The following NRG3 variants were observed in gnomAD, a reference collection of about 807,000 sequenced individuals.
NRG3 encodes the protein pro-neuregulin-3, membrane-bound isoform.
In NRG3, 31 loss-of-function variants were observed where a neutral mutation model predicts 66.9. That is an observed-to-expected ratio of 0.46 (90% CI 0.35 to 0.63). The LOEUF (loss-of-function observed/expected upper bound fraction) is 0.63. Among genes scored for constraint, NRG3 ranks in the 20% least tolerant of loss-of-function variants. The probability of loss-of-function intolerance (pLI) is 0.00; values close to 1 mark genes in which losing one functional copy is unlikely to be tolerated. For missense variants in NRG3, 910 were observed against 878.9 expected (o/e 1.04, Z -0.45); for synonymous variants, 393 against 359.4 (o/e 1.09, Z -1.06).
At chr10:82,207,408 AC>A (rs1175370002) in intron 1 of NRG3, among the ~76,000 whole-genome samples, 1 of 152,034 alleles carries the variant, frequency 6.6e-6, no homozygotes, top group Non-Finnish European at 1.5e-5. Flanking sequence ...CCATGATATA[AC>A]TCCTTATGCA....
At chr10:82,861,642 G>A (rs892952223) in intron 3 of NRG3, among the ~76,000 whole-genome samples, 1 of 152,188 alleles carries the variant, frequency 6.6e-6, no homozygotes, top group Non-Finnish European at 1.5e-5. Context: ...CATGGAAGAA[G>A]GAAGAAAGCC....
chr10:82,695,458 C>T (rs747386442), intron 2 of NRG3, among the ~76,000 whole-genome samples: 3 of 151,828 alleles, frequency 2.0e-5, no homozygotes, highest in Non-Finnish European at 2.9e-5. Context: ...AGTATGAAAA[C>T]TCATATGTTA....
intron 1 of NRG3, among the ~76,000 whole-genome samples, chr10:82,204,556 A>G (rs1301203558): frequency 3.9e-5 from 6 of 152,214 alleles, no homozygotes. Flanking sequence ...TCTCCAGTCA[A>G]GTGGCATTCG....
chr10:82,008,393 T>C (rs2061453420), intron 1 of NRG3, among the ~76,000 whole-genome samples: 1 of 152,178 alleles, frequency 6.6e-6, no homozygotes, highest in South Asian at 2.1e-4. Context: ...AAAAATAGTG[T>C]TCAGTGAAAA....
Position 82,941,746 on chromosome 10 carries a change from C to T in NRG3, c.1055-9723C>T, listed in dbSNP as rs190852505. Among the ~76,000 whole-genome samples, 180 of 152,122 alleles carry T rather than the reference C, an allele frequency of 1.2e-3. 3 individuals are homozygous for T. The highest frequency in any genetic ancestry group is 4.0e-3 in the African/African-American group (167 of 41,500). ...AGACTCATTTCATAAATAGTGGGTTCGTTATTGAATATTGTTGTATTATGA... is the reference window on the plus strand; with the variant it reads ...AGACTCATTTCATAAATAGTGGGTTTGTTATTGAATATTGTTGTATTATGA... On this transcript the variant is annotated intron_variant, in intron 4 of 8. Transcript: ENST00000372141.
At chr10:82,199,201 A>G (rs1374307473) in intron 1 of NRG3, among the ~76,000 whole-genome samples, 1 of 151,672 alleles carries the variant, frequency 6.6e-6, no homozygotes, top group Non-Finnish European at 1.5e-5. Flanking sequence ...AGAAAAAAAA[A>G]TAACTCAAGT....
At chr10:81,966,376 C>A (rs1054779389) in intron 1 of NRG3, among the ~76,000 whole-genome samples, 1 of 151,402 alleles carries the variant, frequency 6.6e-6, no homozygotes, top group African/African-American at 2.4e-5. Context: ...AATGGCCCAC[C>A]TTTCACTGCC....
intron 2 of NRG3, among the ~76,000 whole-genome samples, chr10:82,474,008 GA>G (rs965596373): frequency 1.3e-5 from 2 of 151,844 alleles, no homozygotes; most frequent in African/African-American, 4.8e-5. Context: ...AGAATTGGGG[GA>G]AAAAATGATG....
intron 2 of NRG3, among the ~76,000 whole-genome samples, chr10:82,521,163 A>G (rs1289392613): frequency 6.6e-6 from 1 of 152,154 alleles, no homozygotes; most frequent in Non-Finnish European, 1.5e-5. Context: ...CGTTTATTAA[A>G]TGTGCAATAA....
At chr10:82,087,946 A>G (rs934022834) in intron 1 of NRG3, among the ~76,000 whole-genome samples, 4 of 151,940 alleles carry the variant, frequency 2.6e-5, no homozygotes, top group African/African-American at 9.7e-5. Context: ...TATCTGAGAA[A>G]AAGATGTTCA....
chr10:81,991,411 A>C (rs2060735226), intron 1 of NRG3, among the ~76,000 whole-genome samples: 1 of 152,138 alleles, frequency 6.6e-6, no homozygotes, highest in Non-Finnish European at 1.5e-5. Flanking sequence ...AAAGTCTGTT[A>C]ATGAGATCTG....
At chr10:82,321,927 G>T (rs146231712) in intron 1 of NRG3, among the ~76,000 whole-genome samples, 3 of 152,206 alleles carry the variant, frequency 2.0e-5, no homozygotes, top group Non-Finnish European at 4.4e-5. Context: ...GGGCATCAAA[G>T]TGCTGTCTGA....
intron 1 of NRG3, among the ~76,000 whole-genome samples, chr10:82,214,818 CTT>C (rs1261931035): frequency 6.6e-6 from 1 of 152,098 alleles, no homozygotes; most frequent in African/African-American, 2.4e-5. Flanking sequence ...TTGACAAAGA[CTT>C]TTATTTCACG....
intron 2 of NRG3, among the ~76,000 whole-genome samples, chr10:82,496,356 T>C (rs1843633993): frequency 6.6e-6 from 1 of 152,184 alleles, no homozygotes; most frequent in Non-Finnish European, 1.5e-5. Context: ...TCTGCACAGC[T>C]ACTTTGGATG....
intron 2 of NRG3, among the ~76,000 whole-genome samples, chr10:82,588,571 C>T (rs1277641995): frequency 1.1e-4 from 17 of 151,938 alleles, no homozygotes; most frequent in African/African-American, 1.7e-4. Flanking sequence ...GGGACAATCT[C>T]GGCTTACTGC....
rs76510186 is a variant in NRG3 at position 82,492,235 on chromosome 10, A to G, written c.953+133367A>G. Reference sequence around the variant, plus strand: ...TGGATCATCCATTCTTTCCAGAATGACAAATAGCATTACATGGTGATCCTC... The same window carrying G: ...TGGATCATCCATTCTTTCCAGAATGGCAAATAGCATTACATGGTGATCCTC... On this transcript the variant is annotated intron_variant, in intron 2 of 8. Coordinates refer to ENST00000372141, the MANE Select transcript of NRG3 (RefSeq NM_001010848.4). Among the ~76,000 whole-genome samples the G allele has an allele frequency of 8.8e-3, 1,335 of 152,320 alleles. 11 individuals are homozygous for G. The highest frequency in any genetic ancestry group is 0.014 in the Non-Finnish European group (963 of 68,022).
chr10:82,459,266 G>T (rs1266413451), intron 2 of NRG3, among the ~76,000 whole-genome samples: 3 of 152,172 alleles, frequency 2.0e-5, no homozygotes, highest in Non-Finnish European at 4.4e-5. Flanking sequence ...GTGCATTGCT[G>T]TAGGCTGAGG....
chr10:82,231,476 A>G (rs561012015), intron 1 of NRG3, among the ~76,000 whole-genome samples: 1 of 151,278 alleles, frequency 6.6e-6, no homozygotes, highest in African/African-American at 2.4e-5. Flanking sequence ...AAAGTGAAAT[A>G]TTGAAAAAAA....
intron 4 of NRG3, among the ~76,000 whole-genome samples, chr10:82,878,308 G>C (rs1009618530): frequency 6.6e-6 from 1 of 152,140 alleles, no homozygotes; most frequent in Non-Finnish European, 1.5e-5. Flanking sequence ...ATCTCTTGTT[G>C]AAGAAGAAAA....
Sources: gnomAD v4.1 joint callset for allele counts (sites outside exome capture counted in the v4.1 genomes callset) on GRCh38, gnomAD v4.1.1 for gene constraint, MANE v1.5 for transcripts, NCBI Gene and HGNC (gene_info 2026-07-23, HGNC 2026-07-21) for gene names.